VAV2: variants seen among roughly 807,000 people sequenced by gnomAD.
The protein encoded by VAV2 is guanine nucleotide exchange factor VAV2.
Under a neutral mutation model 132.5 loss-of-function variants are expected in VAV2, and 67 were observed. The observed-to-expected ratio is 0.51, with a 90% CI of 0.42 to 0.62. The LOEUF is 0.62. VAV2 is among the 20% of genes least tolerant of loss of function. VAV2 has a pLI of 0.00. For synonymous variants in VAV2, 492 were observed against 443.5 expected (o/e 1.11, Z -1.37); for missense variants, 938 against 1,153.6 (o/e 0.81, Z 2.71).
rs138131526 is a variant in VAV2 at position 133,947,822 on chromosome 9, C to A, written c.205-8603G>T. On this transcript the variant is annotated intron_variant, in intron 1 of 29. Coordinates refer to ENST00000371850, the MANE Select transcript of VAV2 (RefSeq NM_001134398.2). ...AGTGTGTGTGTGAGACAGAGTCTCA[C>A]TGCATCAACGAGGCTGGAGTGCAGT... Among the ~76,000 whole-genome samples the A allele has an allele frequency of 9.2e-5, 14 of 151,952 alleles. No individual in the cohort carries two copies. The East Asian group carries it at 2.4e-3, about 26-fold the overall frequency.
intron 2 of VAV2, among the ~76,000 whole-genome samples, chr9:133,887,996 C>A (rs1838781490): frequency 6.6e-6 from 1 of 152,262 alleles, no homozygotes; most frequent in Non-Finnish European, 1.5e-5. Flanking sequence ...AGTTCCCAAG[C>A]CCGAGCTTAG....
intron 3 of VAV2, among the ~76,000 whole-genome samples, chr9:133,849,633 C>T (rs1468645701): frequency 6.6e-6 from 1 of 152,192 alleles, no homozygotes; most frequent in African/African-American, 2.4e-5. Context: ...TTCTGGAGGC[C>T]AGAAGCCTGA....
rs551073703 is a variant in VAV2 at position 133,908,736 on chromosome 9, C to T, written c.321+30367G>A. Among the ~76,000 whole-genome samples the T allele has an allele frequency of 3.5e-3, 527 of 152,388 alleles. 2 individuals are homozygous for T. Among genetic ancestry groups the T allele is most frequent in the Non-Finnish European group, 5.9e-3 (400 of 68,042 alleles). On this transcript the variant is annotated intron_variant, in intron 2 of 29. Transcript: ENST00000371850. ...TGGGAGGGCGTCCCCACGCCCTTGCCAGCGCTGCACCCCTCTGAGGCAGAC... is the reference window on the plus strand; with the variant it reads ...TGGGAGGGCGTCCCCACGCCCTTGCTAGCGCTGCACCCCTCTGAGGCAGAC...
chr9:133,789,379 G>C lies in VAV2; in HGVS notation c.1189-36C>G, dbSNP rs12351783. ...GGAGAGGGGCCGTCAGCCGGGGCTG[G>C]AGCAGCCCCAGTTCTCCTGACCGCA... On this transcript the variant is annotated intron_variant, in intron 13 of 29. Transcript: ENST00000371850. 8,722 of 1,605,498 alleles carry C rather than the reference G, an allele frequency of 5.4e-3. 428 individuals are homozygous for C. In the African/African-American group the frequency reaches 0.1, roughly 19 times the overall value.
intron 2 of VAV2, among the ~76,000 whole-genome samples, chr9:133,876,679 G>C (rs768059841): frequency 1.9e-4 from 29 of 152,190 alleles, no homozygotes; most frequent in African/African-American, 6.8e-4. Flanking sequence ...ACCGCGGGAG[G>C]GGGGCGGCCC....
In VAV2 at chr9:133,834,488, G is replaced by A. The variant is rs542048764; in HGVS notation, c.381-148C>T. ...CTCTCTGGAAGGACACAGGGTGCGC[G>A]GACACTGATCGGAGTCACAGGACGA... On this transcript the variant is annotated intron_variant, in intron 3 of 29. Coordinates refer to ENST00000371850, the MANE Select transcript of VAV2 (RefSeq NM_001134398.2). The surrounding 1 kb of genome is among the most constrained non-coding windows in gnomAD (Gnocchi z 5.9). 22 of 803,794 alleles carry A rather than the reference G, an allele frequency of 2.7e-5. 1 individual carries two copies. The highest frequency in any genetic ancestry group is 2.6e-4 in the Middle Eastern group (1 of 3,784). 49.8% of individuals were successfully genotyped at this position (803,794 alleles called of 1,614,324 possible).
intron 3 of VAV2, among the ~76,000 whole-genome samples, chr9:133,858,795 C>G (rs1837484116): frequency 6.6e-6 from 1 of 152,192 alleles, no homozygotes; most frequent in South Asian, 2.1e-4. Context: ...AGAGCTGGGT[C>G]CACCGACATG....
chr9:133,983,848 C>T (rs1033238323), intron 1 of VAV2, among the ~76,000 whole-genome samples: 18 of 150,140 alleles, frequency 1.2e-4, no homozygotes, highest in Non-Finnish European at 2.2e-4. Context: ...CGCCAGTGCT[C>T]GCAAGATGAG....
intron 3 of VAV2, among the ~76,000 whole-genome samples, chr9:133,859,102 G>A (rs1837497599): frequency 6.6e-6 from 1 of 152,092 alleles, no homozygotes; most frequent in African/African-American, 2.4e-5. Context: ...GACGGAGGGG[G>A]TGGCCCGGAG....
intron 2 of VAV2, among the ~76,000 whole-genome samples, chr9:133,888,984 A>G (rs889524916): frequency 1.3e-5 from 2 of 152,198 alleles, no homozygotes; most frequent in Non-Finnish European, 2.9e-5. Context: ...CGCCCCTGCC[A>G]GGGGGGCAGG....
rs56141918 is a variant in VAV2 at position 133,917,441 on chromosome 9, C to CTTT, written c.321+21659_321+21661dup. Among the ~76,000 whole-genome samples the CTTT allele has an allele frequency of 8.4e-4, 112 of 132,600 alleles. 1 individual carries two copies. The highest frequency in any genetic ancestry group is 3.7e-3 in the Middle Eastern group (1 of 268). 87.0% of individuals were successfully genotyped at this position (132,600 alleles called of 152,430 possible). Reference sequence around the variant, plus strand: ...TCATGAGAAAAACAGAAAACTCTTTCTTTTTTTTTTTTTTTGGCTAGAAGG... The same window carrying CTTT: ...TCATGAGAAAAACAGAAAACTCTTTCTTTTTTTTTTTTTTTTTTGGCTAGAAGG... On this transcript the variant is annotated intron_variant, in intron 2 of 29. Transcript: ENST00000371850.
At chr9:133,835,719 G>C (rs980174093) in intron 3 of VAV2, among the ~76,000 whole-genome samples, 16 of 152,296 alleles carry the variant, frequency 1.1e-4, no homozygotes, top group African/African-American at 1.9e-4. Context: ...CGCGCGGTCC[G>C]TCCCGGCAGC....
At chr9:133,813,008 G>A (rs1253871312) in intron 4 of VAV2, among the ~76,000 whole-genome samples, 1 of 152,150 alleles carries the variant, frequency 6.6e-6, no homozygotes, top group East Asian at 1.9e-4. Context: ...CCCCACACTG[G>A]GCTTCCTCAG....
Position 133,769,589 on chromosome 9 carries a change from T to A in VAV2, c.2348-86A>T, listed in dbSNP as rs935252890. 1 of 1,355,370 alleles carries A rather than the reference T, an allele frequency of 7.4e-7. No homozygotes were observed. The highest frequency in any genetic ancestry group is 2.2e-5 in the Admixed American group (1 of 46,276). The allele number at this position is 1,355,370 out of a possible 1,614,324, so 84.0% of individuals were successfully genotyped here. A position where few individuals can be genotyped will look rare whatever the true frequency, so the allele number is the denominator to read the frequency against. ...GGGCACAGCTACAGGCCGGGGGGCA[T>A]GGGGTGGGGCAGGCCCTTTGGCAGG... is the stretch of plus-strand genomic sequence containing the variant. On this transcript the variant is annotated intron_variant, in intron 27 of 29. Transcript: ENST00000371850. This position sits in a 1 kb window ranked among gnomAD's most constrained non-coding sequence, Gnocchi z 8.1.
intron 17 of VAV2, among the ~76,000 whole-genome samples, chr9:133,785,488 G>C (rs1437950216): frequency 1.3e-5 from 2 of 152,218 alleles, no homozygotes; most frequent in African/African-American, 4.8e-5. Context: ...GGCGTGCCAG[G>C]CTCAGCCTCA....
intron 3 of VAV2, among the ~76,000 whole-genome samples, chr9:133,842,811 C>T (rs569590336): frequency 1.3e-5 from 2 of 152,324 alleles, no homozygotes; most frequent in East Asian, 1.9e-4. Context: ...GACCCCACGC[C>T]CAGGGCATGG....
At chr9:133,909,483 C>T (rs537504434) in intron 2 of VAV2, among the ~76,000 whole-genome samples, 1 of 152,368 alleles carries the variant, frequency 6.6e-6, no homozygotes, top group East Asian at 1.9e-4. Context: ...TACCATCCAG[C>T]TATGGGCCCC....
At chr9:133,947,484 G>A (rs1841402366) in intron 1 of VAV2, among the ~76,000 whole-genome samples, 1 of 152,088 alleles carries the variant, frequency 6.6e-6, no homozygotes. Flanking sequence ...TGGATCACCT[G>A]AGGTCAGGAG....
chr9:133,821,556 A>G (rs1835786858), intron 4 of VAV2, among the ~76,000 whole-genome samples: 2 of 152,188 alleles, frequency 1.3e-5, no homozygotes, highest in Admixed American at 6.5e-5. Context: ...CTATCACCCC[A>G]GAGGGCGAAA....
Sources: gnomAD v4.1 joint callset for allele counts (sites outside exome capture counted in the v4.1 genomes callset) on GRCh38, gnomAD v4.1.1 for gene constraint, Gnocchi (gnomAD v3.1) non-coding constraint, MANE v1.5 for transcripts, NCBI Gene and HGNC (gene_info 2026-07-23, HGNC 2026-07-21) for gene names.